MTHFD1L: variants seen among roughly 807,000 people sequenced by gnomAD.
MTHFD1L encodes the protein methylenetetrahydrofolate dehydrogenase (NADP+ dependent) 1 like, also known as monofunctional C1-tetrahydrofolate synthase, mitochondrial.
In MTHFD1L, 81 loss-of-function variants were observed where a neutral mutation model predicts 119.5. The ratio of observed to expected loss-of-function variants is 0.68; its 90% CI spans 0.57 to 0.82. The LOEUF (loss-of-function observed/expected upper bound fraction) is 0.82. Ranked by LOEUF, MTHFD1L falls within the 40% of genes least tolerant of loss-of-function variation. The probability of loss-of-function intolerance (pLI) is 0.00; values close to 1 mark genes in which losing one functional copy is unlikely to be tolerated. For missense variants in MTHFD1L, 1,125 were observed against 1,253.4 expected, an observed-to-expected ratio of 0.90 and a Z score of 1.55; for synonymous variants, 430 against 475.2, an observed-to-expected ratio of 0.90 and a Z score of 1.24.
intron 26 of MTHFD1L, among the ~76,000 whole-genome samples, chr6:151,069,251 T>TCTCTCTC (rs1791671966): frequency 3.8e-4 from 52 of 136,680 alleles, no homozygotes; most frequent in South Asian, 1.2e-3. Context: ...TTCTCTCTCT[T>TCTCTCTC]TCTCTCTCTC....
intron 20 of MTHFD1L, among the ~76,000 whole-genome samples, chr6:151,004,258 G>T (rs1781069087): frequency 6.6e-6 from 1 of 152,066 alleles, no homozygotes; most frequent in Non-Finnish European, 1.5e-5. Context: ...GTGGGAGGCG[G>T]AGGTTGCAGT....
chr6:151,098,895 G>A (rs548565013), intron 27 of MTHFD1L, among the ~76,000 whole-genome samples: 7 of 152,128 alleles, frequency 4.6e-5, no homozygotes, highest in African/African-American at 1.7e-4. Flanking sequence ...GGGACCACAG[G>A]CCAGGCACGG....
intron 13 of MTHFD1L, among the ~76,000 whole-genome samples, chr6:150,941,774 G>T (rs777123224): frequency 6.6e-6 from 1 of 152,006 alleles, no homozygotes; most frequent in Non-Finnish European, 1.5e-5. Context: ...GGTGGAGGGT[G>T]GTAGTCAGAA....
Position 150,882,902 on chromosome 6 carries a change from C to A in MTHFD1L, c.542+16C>A. ...ATGTGGATGGGTAAGAAAATAAAAT[C>A]AAATAATCAACCTTTATGGCTAAAT... On this transcript the variant is annotated intron_variant, in intron 5 of 27. Coordinates refer to ENST00000367321, the MANE Select transcript of MTHFD1L (RefSeq NM_015440.5). The A allele has an allele frequency of 6.4e-7, 1 of 1,559,064 alleles. No individual in the cohort carries two copies. Among genetic ancestry groups the A allele is most frequent in the South Asian group, 1.2e-5 (1 of 80,068 alleles).
At chr6:151,005,720 G>T (rs994431081) in intron 20 of MTHFD1L, among the ~76,000 whole-genome samples, 2 of 152,174 alleles carry the variant, frequency 1.3e-5, no homozygotes, top group Non-Finnish European at 2.9e-5. Context: ...GTTGCAGTGA[G>T]CTGTGATCGT....
chr6:150,892,204 C>T (rs887063270), intron 7 of MTHFD1L, among the ~76,000 whole-genome samples: 3 of 152,254 alleles, frequency 2.0e-5, no homozygotes, highest in Non-Finnish European at 4.4e-5. Context: ...CACTGAACAG[C>T]TGTGGTGAAG....
chr6:151,034,377 AG>A, intron 24 of MTHFD1L, 115 bp from the exon 25 acceptor site: 1 of 700,764 alleles, frequency 1.4e-6, no homozygotes, highest in Admixed American at 2.5e-5. Context: ...GCAGTTGCTG[AG>A]GGGGTACTCT....
intron 26 of MTHFD1L, among the ~76,000 whole-genome samples, chr6:151,052,897 A>C (rs563319937): frequency 2.0e-5 from 3 of 152,300 alleles, no homozygotes; most frequent in South Asian, 4.1e-4. Context: ...GAAGGCCTTA[A>C]GTGTCAGAAG....
intron 12 of MTHFD1L, 42 bp downstream of exon 12, chr6:150,936,982 G>A (rs747457378): frequency 1.9e-6 from 3 of 1,600,442 alleles, no homozygotes; most frequent in Admixed American, 1.7e-5. Flanking sequence ...GGGCAAAGTT[G>A]GGGGGAGAGA....
chr6:151,021,549 A>G (rs1783946259), intron 24 of MTHFD1L, among the ~76,000 whole-genome samples: 2 of 152,170 alleles, frequency 1.3e-5, no homozygotes, highest in Non-Finnish European at 2.9e-5. Context: ...CTCTGTCTCA[A>G]AAAGAAAAAA....
At chr6:150,959,797 A>T (rs1796167974) in intron 17 of MTHFD1L, among the ~76,000 whole-genome samples, 1 of 152,188 alleles carries the variant, frequency 6.6e-6, no homozygotes, top group Admixed American at 6.5e-5. Context: ...CTAGTCATTA[A>T]TTCATCTGAT....
chr6:151,013,995 A>G (rs1782656840), intron 22 of MTHFD1L, among the ~76,000 whole-genome samples, 175 bp downstream of exon 22: 1 of 152,094 alleles, frequency 6.6e-6, no homozygotes, highest in South Asian at 2.1e-4. Flanking sequence ...ACCGGATCAC[A>G]TGAGGCCAGG....
intron 26 of MTHFD1L, among the ~76,000 whole-genome samples, chr6:151,072,795 GA>G (rs1792081011): frequency 6.6e-6 from 1 of 151,012 alleles, no homozygotes; most frequent in South Asian, 2.1e-4. Flanking sequence ...ATGACAGAGT[GA>G]TACTCTGTCT....
At chr6:151,009,637 G>A (rs1366216943) in intron 20 of MTHFD1L, among the ~76,000 whole-genome samples, 182 bp from the exon 21 acceptor site, 7 of 152,162 alleles carry the variant, frequency 4.6e-5, no homozygotes, top group East Asian at 1.9e-4. Context: ...AGAGGAGGGC[G>A]CAGTCTCTTT....
At chr6:150,953,683 T>A (rs1795175785) in intron 16 of MTHFD1L, among the ~76,000 whole-genome samples, 2 of 152,212 alleles carry the variant, frequency 1.3e-5, no homozygotes, top group African/African-American at 2.4e-5. Context: ...AGAGGTGGGC[T>A]TTGGAGGCCA....
At chr6:150,933,412 G>C (rs1243242205) in intron 11 of MTHFD1L, among the ~76,000 whole-genome samples, 3 of 151,848 alleles carry the variant, frequency 2.0e-5, no homozygotes, top group Non-Finnish European at 4.4e-5. Flanking sequence ...TGCCCTTATT[G>C]ATGTTGTATC....
chr6:151,014,960 G>A lies in MTHFD1L; in HGVS notation c.2388G>A (p.Val796=), dbSNP rs1490255105. 1.9e-6 allele frequency: 3 copies of A among 1,614,014 alleles called. No individual in the cohort carries two copies. Reference sequence around the variant, plus strand: ...CTCAGCTCTTTGGGGTTCCCGTTGTGGTGGCTCTGAATGTCTTCAAGTAAG... The same window carrying A: ...CTCAGCTCTTTGGGGTTCCCGTTGTAGTGGCTCTGAATGTCTTCAAGTAAG... ...QITQLFGVPV[V]VALNVFKTDT... The change falls in exon 23 of 28, where the codon GTG becomes GTA. Residue 796 remains valine (V), a synonymous_variant. Transcript: ENST00000367321.
At chr6:151,049,674 A>G (rs1292223497) in intron 26 of MTHFD1L, among the ~76,000 whole-genome samples, 1 of 151,730 alleles carries the variant, frequency 6.6e-6, no homozygotes, top group Non-Finnish European at 1.5e-5. Flanking sequence ...AAAAAAAAAA[A>G]AAAAATGGGT....
chr6:150,980,710 T>TAAAAAA (rs375964703), intron 20 of MTHFD1L, among the ~76,000 whole-genome samples: 4 of 120,958 alleles, frequency 3.3e-5, no homozygotes, highest in Admixed American at 8.4e-5. Flanking sequence ...ACCCTGTCTC[T>TAAAAAA]AAAAAAAAAA....
Sources: allele counts gnomAD v4.1 joint callset (sites outside exome capture counted in the v4.1 genomes callset), GRCh38; gene constraint gnomAD v4.1.1; transcripts MANE v1.5; gene names NCBI Gene and HGNC (gene_info 2026-07-23, HGNC 2026-07-21).